The following WWP2 variants were observed in gnomAD, a reference collection of about 807,000 sequenced individuals.
WWP2 encodes the protein NEDD4-like E3 ubiquitin-protein ligase WWP2.
In WWP2, 57 loss-of-function variants were observed where a neutral mutation model predicts 121.0. That is an observed-to-expected ratio of 0.47 (90% CI 0.38 to 0.59). The LOEUF (loss-of-function observed/expected upper bound fraction) is 0.59. WWP2 is among the 20% of genes least tolerant of loss of function. The probability of loss-of-function intolerance (pLI) is 0.00; values close to 1 mark genes in which losing one functional copy is unlikely to be tolerated. For missense variants in WWP2, 962 were observed against 1,158.9 expected (o/e 0.83, Z 2.47); for synonymous variants, 449 against 441.3 (o/e 1.02, Z -0.22).
At position 69,894,288 on chromosome 16, in the gene WWP2, C is replaced by T. The variant is rs374941648; in HGVS notation, c.914+6039C>T. ...AGAGATGAGGGTCTCACTCTGTTGC[C>T]CATGCGGATCTCAAACTCCTGGGCT... On this transcript the variant is annotated intron_variant, in intron 8 of 23. Coordinates refer to ENST00000359154, the MANE Select transcript of WWP2 (RefSeq NM_001270454.2). 1.1e-4 allele frequency among the ~76,000 whole-genome samples: 17 copies of T among 151,466 alleles called. 2 individuals carry two copies. Among genetic ancestry groups the T allele is most frequent in the East Asian group, 3.9e-4 (2 of 5,134 alleles).
chr16:69,935,737 C>T lies in WWP2; in HGVS notation c.1843-116C>T. The stretch of plus-strand genomic sequence containing the variant: ...GTCCGAGGCAGCTGCTGCTGTAGTT[C>T]TGTCAGGGAAGGAAGGCGGGTAGCG... On this transcript the variant is annotated intron_variant, in intron 17 of 23. Transcript: ENST00000359154. This position sits in a 1 kb window ranked among gnomAD's most constrained non-coding sequence, Gnocchi z 5.2. 1 of 1,455,628 alleles carries T rather than the reference C, an allele frequency of 6.9e-7. No homozygotes were observed. The highest frequency in any genetic ancestry group is 9.2e-7 in the Non-Finnish European group (1 of 1,082,322). 90.2% of individuals were successfully genotyped at this position (1,455,628 alleles called of 1,614,324 possible). A position where few individuals can be genotyped will look rare whatever the true frequency, so the allele number is the denominator to read the frequency against.
At chr16:69,780,161 T>C (rs750137550) in intron 1 of WWP2, among the ~76,000 whole-genome samples, 10 of 152,214 alleles carry the variant, frequency 6.6e-5, no homozygotes, top group Admixed American at 3.3e-4. Context: ...TTTTATACTT[T>C]TAAACGTTTG....
chr16:69,819,452 G>C (rs1256316069), intron 4 of WWP2, among the ~76,000 whole-genome samples: 1 of 152,108 alleles, frequency 6.6e-6, no homozygotes, highest in Non-Finnish European at 1.5e-5. Context: ...CTCCAGCCCG[G>C]TGCTGCTCTC....
At chr16:69,784,872 C>T (rs960072402) in intron 1 of WWP2, among the ~76,000 whole-genome samples, 6 of 151,532 alleles carry the variant, frequency 4.0e-5, no homozygotes, top group African/African-American at 4.8e-5. Context: ...GAAGTGAGCC[C>T]GACACTTCAA....
intron 4 of WWP2, among the ~76,000 whole-genome samples, chr16:69,829,076 C>T (rs1368179508): frequency 6.6e-6 from 1 of 152,158 alleles, no homozygotes; most frequent in Admixed American, 6.5e-5. Flanking sequence ...GCTTTAGAAT[C>T]CCAGGAGCCG....
At chr16:69,796,544 C>T (rs752888876) in intron 2 of WWP2, among the ~76,000 whole-genome samples, 13 of 152,168 alleles carry the variant, frequency 8.5e-5, no homozygotes, top group Admixed American at 2.0e-4. Flanking sequence ...GACTATTCTG[C>T]GAAAAGACCA....
At position 69,940,095 on chromosome 16, in the gene WWP2, C is replaced by G. The variant is rs2058859926; in HGVS notation, c.*155C>G. 1 of 638,220 alleles carries G rather than the reference C, an allele frequency of 1.6e-6. No individual in the cohort carries two copies. The highest frequency in any genetic ancestry group is 2.0e-5 in the South Asian group (1 of 49,190). The allele number at this position is 638,220 out of a possible 1,614,324, so 39.5% of individuals were successfully genotyped here. On this transcript the variant is annotated 3_prime_UTR_variant, in exon 24 of 24. Transcript: ENST00000359154. ...CTCGCTGCTGGCAGAAAAGCCTGATCCCAGGAGGCCCTGCAGTTCCCCCGA... is the reference window on the plus strand; with the variant it reads ...CTCGCTGCTGGCAGAAAAGCCTGATGCCAGGAGGCCCTGCAGTTCCCCCGA...
intron 4 of WWP2, among the ~76,000 whole-genome samples, chr16:69,808,082 T>TAAA (rs1304102482): frequency 1.3e-5 from 2 of 152,302 alleles, no homozygotes; most frequent in South Asian, 2.1e-4. Context: ...AAGTTTCCCA[T>TAAA]TGTCCCTTCT....
intron 6 of WWP2, among the ~76,000 whole-genome samples, chr16:69,858,630 C>T (rs1567385111): frequency 6.6e-6 from 1 of 151,996 alleles, no homozygotes; most frequent in Non-Finnish European, 1.5e-5. Context: ...ATTGATATTT[C>T]TGTGTTGAAT....
At chr16:69,846,739 A>G (rs2057088512) in intron 6 of WWP2, among the ~76,000 whole-genome samples, 5 of 151,922 alleles carry the variant, frequency 3.3e-5, no homozygotes, top group Admixed American at 3.3e-4. Flanking sequence ...AAAAAAAGAA[A>G]AAAGAATGGG....
Position 69,879,884 on chromosome 16 carries a change from A to G in WWP2, c.703+7953A>G, listed in dbSNP as rs142950051. 7.9e-5 allele frequency among the ~76,000 whole-genome samples: 12 copies of G among 152,336 alleles called. No homozygotes were observed. In the East Asian group the frequency reaches 2.1e-3, roughly 27 times the overall value. On this transcript the variant is annotated intron_variant, in intron 7 of 23. Coordinates refer to ENST00000359154, the MANE Select transcript of WWP2 (RefSeq NM_001270454.2). ...TATCTTACTTCTGTGAGTATTGCAG[A>G]AAAGGATTTAAGAATTTTAAAAATA...
chr16:69,820,182 G>T (rs187128197), intron 4 of WWP2, among the ~76,000 whole-genome samples: 79 of 152,276 alleles, frequency 5.2e-4, no homozygotes, highest in Admixed American at 1.1e-3. Flanking sequence ...GCAGTGAACT[G>T]TGATCATGCC....
intron 6 of WWP2, among the ~76,000 whole-genome samples, chr16:69,868,661 GCACACACACACACA>G (rs57674223): frequency 8.7e-5 from 13 of 149,334 alleles, no homozygotes; most frequent in South Asian, 6.4e-4. Flanking sequence ...ATACACATGT[GCACACACACACACA>G]CACACACACA....
intron 2 of WWP2, among the ~76,000 whole-genome samples, chr16:69,793,802 A>C (rs1310112719): frequency 1.3e-5 from 2 of 151,564 alleles, no homozygotes; most frequent in African/African-American, 2.4e-5. Flanking sequence ...TATAGAAACT[A>C]TACCTACCTC....
At chr16:69,861,421 T>C (rs2057418373) in intron 6 of WWP2, among the ~76,000 whole-genome samples, 1 of 152,190 alleles carries the variant, frequency 6.6e-6, no homozygotes, top group Non-Finnish European at 1.5e-5. Context: ...CTCTGTACTC[T>C]AGGGTGCGCA....
chr16:69,890,121 A>ATT (rs57520353), intron 8 of WWP2, among the ~76,000 whole-genome samples: 16 of 133,104 alleles, frequency 1.2e-4, no homozygotes, highest in Non-Finnish European at 1.5e-4. Context: ...TGCCTGGATA[A>ATT]TTTTTTTTTT....
At chr16:69,781,415 G>A (rs1276701164) in intron 1 of WWP2, among the ~76,000 whole-genome samples, 1 of 152,056 alleles carries the variant, frequency 6.6e-6, no homozygotes, top group Non-Finnish European at 1.5e-5. Context: ...GCACAATCTT[G>A]GCTCACTGCA....
In WWP2 at chr16:69,764,824, A is replaced by C. The variant is rs928707970; in HGVS notation, c.-16+2433A>C. ...TGAAGAAAAGTAAAATGTCTCATTG[A>C]TACTTTTTATGTTATAGTAAACGAT... On this transcript the variant is annotated intron_variant, in intron 1 of 23. Transcript: ENST00000359154. Among the ~76,000 whole-genome samples, 3 of 152,242 alleles carry C rather than the reference A, an allele frequency of 2.0e-5. No homozygotes were observed. The East Asian group carries it at 5.8e-4, about 29-fold the overall frequency.
intron 8 of WWP2, among the ~76,000 whole-genome samples, chr16:69,904,896 C>T (rs1047818536): frequency 6.6e-6 from 1 of 152,150 alleles, no homozygotes; most frequent in African/African-American, 2.4e-5. Flanking sequence ...AGCAAGAGGC[C>T]GTTAGCCTGA....
Sources: allele counts gnomAD v4.1 joint callset (sites outside exome capture counted in the v4.1 genomes callset), GRCh38; gene constraint gnomAD v4.1.1; non-coding constraint Gnocchi (gnomAD v3.1); transcripts MANE v1.5; gene names NCBI Gene and HGNC (gene_info 2026-07-23, HGNC 2026-07-21).